CELF2: variants seen among roughly 807,000 people sequenced by gnomAD.
CELF2 encodes CUGBP Elav-like family member 2.
CELF2 carries 8 observed loss-of-function variants against 62.6 expected under a neutral mutation model. The ratio of observed to expected loss-of-function variants is 0.13; its 90% CI spans 0.07 to 0.23. The LOEUF (loss-of-function observed/expected upper bound fraction) is 0.23. CELF2 is among the 10% of genes least tolerant of loss of function. CELF2 has a pLI of 1.00. For missense variants in CELF2, 333 were observed against 671.0 expected (o/e 0.50, Z 5.56); for synonymous variants, 258 against 250.0 (o/e 1.03, Z -0.30).
chr10:11,164,649 A>G (rs1261471953), intron 1 of CELF2, among the ~76,000 whole-genome samples: 1 of 149,714 alleles, frequency 6.7e-6, no homozygotes, highest in African/African-American at 2.5e-5. Flanking sequence ...TGGGAACTCA[A>G]CTTTCTGGGG....
chr10:10,570,139 G>A, the CELF2 span, among the ~76,000 whole-genome samples: 3 of 152,148 alleles, frequency 2.0e-5, no homozygotes, highest in African/African-American at 7.2e-5. Context: ...CTTGCATATA[G>A]GGAGCTGTGG....
intron 1 of CELF2, among the ~76,000 whole-genome samples, chr10:11,106,777 G>A (rs1163999138): frequency 6.6e-6 from 1 of 152,254 alleles, no homozygotes; most frequent in Non-Finnish European, 1.5e-5. Flanking sequence ...AGGAGGGAAA[G>A]GGCATTGCAG....
chr10:11,004,459 T>G (rs370699281), upstream of CELF2, among the ~76,000 whole-genome samples: 83 of 152,058 alleles, frequency 5.5e-4, no homozygotes, highest in African/African-American at 1.9e-3. The surrounding 1 kb of genome is among the most constrained non-coding windows in gnomAD (Gnocchi z 5.0). Context: ...TTATTTTACT[T>G]GGCTAATCTG....
chr10:11,236,368 G>A (rs570404484), intron 3 of CELF2, among the ~76,000 whole-genome samples: 29 of 152,358 alleles, frequency 1.9e-4, no homozygotes, highest in African/African-American at 6.7e-4. Context: ...TACTGGATAA[G>A]CATCAATAAC....
chr10:10,579,476 C>T, the CELF2 span, among the ~76,000 whole-genome samples: 1 of 152,128 alleles, frequency 6.6e-6, no homozygotes, highest in African/African-American at 2.4e-5. Flanking sequence ...GTTTAAGACA[C>T]ATTTCTCACT....
intron 3 of CELF2, among the ~76,000 whole-genome samples, chr10:11,238,417 A>T (rs1251090885): frequency 6.6e-6 from 1 of 152,198 alleles, no homozygotes; most frequent in Non-Finnish European, 1.5e-5. Context: ...GTTTCTTGCT[A>T]TTAAAACATA....
At chr10:11,045,075 A>C (rs943873973) in intron 1 of CELF2, among the ~76,000 whole-genome samples, 1 of 152,170 alleles carries the variant, frequency 6.6e-6, no homozygotes, top group African/African-American at 2.4e-5. Flanking sequence ...CAGTACCCTA[A>C]ATAATTCAAG....
intron 1 of CELF2, among the ~76,000 whole-genome samples, chr10:11,142,912 T>C (rs2061601336): frequency 6.6e-6 from 1 of 151,538 alleles, no homozygotes; most frequent in African/African-American, 2.4e-5. Context: ...CTGTCCTCCC[T>C]CCACTGGGGT....
intron 1 of CELF2, among the ~76,000 whole-genome samples, chr10:11,114,977 G>A (rs2143490929): frequency 6.6e-6 from 1 of 152,138 alleles, no homozygotes; most frequent in South Asian, 2.1e-4. Context: ...TGTAGTATAT[G>A]TACCTTCTGG....
In CELF2 at chr10:10,876,696, C is replaced by T. The variant is rs77583352; in HGVS notation, c.54-43268C>T. Among the ~76,000 whole-genome samples the T allele has an allele frequency of 3.2e-3, 482 of 152,318 alleles. 8 individuals are homozygous for T. The East Asian group carries it at 0.042, about 13-fold the overall frequency. ...TGTATGTATTGGTTTTCCTACTCTC[C>T]AGAATGCCTCTCCACTTACGGGATC... On this transcript the variant is annotated intron_variant, in intron 1 of 13. Transcript: ENST00000636488.
At chr10:11,067,350 C>T (rs1276384610) in intron 1 of CELF2, among the ~76,000 whole-genome samples, 3 of 152,176 alleles carry the variant, frequency 2.0e-5, no homozygotes, top group Non-Finnish European at 1.5e-5. Flanking sequence ...CGGTAAAAGG[C>T]AGGTCGTCCA....
chr10:10,896,171 G>T (rs935778992), intron 1 of CELF2, among the ~76,000 whole-genome samples: 1 of 152,162 alleles, frequency 6.6e-6, no homozygotes, highest in Non-Finnish European at 1.5e-5. Flanking sequence ...CATAGTGACT[G>T]GTAGTCACAC....
chr10:11,042,195 T>C (rs2061962271), intron 1 of CELF2, among the ~76,000 whole-genome samples: 1 of 152,232 alleles, frequency 6.6e-6, no homozygotes. Flanking sequence ...TCCTTCCCTT[T>C]CAAATTTGTT....
At chr10:11,310,579 G>T (rs1166317613) in intron 9 of CELF2, among the ~76,000 whole-genome samples, 1 of 152,048 alleles carries the variant, frequency 6.6e-6, no homozygotes, top group Non-Finnish European at 1.5e-5. Context: ...TATTTTAGAA[G>T]TACTTCCCTG....
intron 9 of CELF2, among the ~76,000 whole-genome samples, chr10:11,307,770 TTTA>T (rs1179878707): frequency 6.6e-6 from 1 of 152,198 alleles, no homozygotes; most frequent in Non-Finnish European, 1.5e-5. Flanking sequence ...AGTTGTGTTC[TTTA>T]TTAAGAGCTA....
intron 1 of CELF2, among the ~76,000 whole-genome samples, chr10:10,873,509 A>G (rs2060892277): frequency 6.6e-6 from 1 of 152,168 alleles, no homozygotes; most frequent in Non-Finnish European, 1.5e-5. Flanking sequence ...ATTCTGTCCA[A>G]GGTGTTTAGT....
At chr10:10,828,576 G>A (rs2057598119) in intron 1 of CELF2, among the ~76,000 whole-genome samples, 1 of 152,162 alleles carries the variant, frequency 6.6e-6, no homozygotes, top group African/African-American at 2.4e-5. Context: ...GAGTTCTGAA[G>A]ATTAGTTACA....
intron 1 of CELF2, among the ~76,000 whole-genome samples, chr10:11,138,525 G>GAC (rs2060795714): frequency 6.6e-6 from 1 of 152,154 alleles, no homozygotes; most frequent in South Asian, 2.1e-4. Context: ...CGACAGCTAT[G>GAC]ACACACACAG....
At position 11,270,522 on chromosome 10, in the gene CELF2, A is replaced by C; in HGVS notation, c.619-144A>C. The C allele has an allele frequency of 1.6e-6, 1 of 608,122 alleles. No individual in the cohort carries two copies. The highest frequency in any genetic ancestry group is 2.6e-6 in the Non-Finnish European group (1 of 387,796). 37.7% of individuals were successfully genotyped at this position (608,122 alleles called of 1,614,324 possible). Reference sequence around the variant, plus strand: ...TGTTGATGGTACTATTCAGAGAAGAAGGAATATCAAACCGTTTTAAACCAT... The same window carrying C: ...TGTTGATGGTACTATTCAGAGAAGACGGAATATCAAACCGTTTTAAACCAT... On this transcript the variant is annotated intron_variant, in intron 6 of 12. Transcript: ENST00000633077. This position sits in a 1 kb window ranked among gnomAD's most constrained non-coding sequence, Gnocchi z 5.8.
Sources: allele counts gnomAD v4.1 joint callset (sites outside exome capture counted in the v4.1 genomes callset), GRCh38; gene constraint gnomAD v4.1.1; non-coding constraint Gnocchi (gnomAD v3.1); transcripts MANE v1.5; gene names NCBI Gene and HGNC (gene_info 2026-07-23, HGNC 2026-07-21).